The following CSMD1 variants were observed in gnomAD, a reference collection of about 807,000 sequenced individuals.
CSMD1 encodes the protein CUB and Sushi multiple domains 1, also known as CUB and sushi domain-containing protein 1.
CSMD1 carries 213 observed loss-of-function variants against 417.5 expected under a neutral mutation model. That is an observed-to-expected ratio of 0.51 (90% confidence interval 0.46 to 0.57). The LOEUF (loss-of-function observed/expected upper bound fraction) is 0.57, where lower values mean the gene tolerates loss of function less well. Among genes scored for constraint, CSMD1 ranks in the 20% least tolerant of loss-of-function variants. The pLI is 0.00. For synonymous variants in CSMD1, 2,862 were observed against 1,736.8 expected, an observed-to-expected ratio of 1.65 and a Z score of -16.11; for missense variants, 6,923 against 4,529.7, an observed-to-expected ratio of 1.53 and a Z score of -15.17.
rs533853783 is a variant in CSMD1, at chr8:2,935,686, C to A, written c.*2899G>T. On this transcript the variant is annotated 3_prime_UTR_variant, in exon 70 of 70. Transcript: ENST00000635120. ...AAAATATATCTCTGTACAAAAAGGTCTTTCGCACCTACGTCGTGACAGCAG... is the reference window on the plus strand; with the variant it reads ...AAAATATATCTCTGTACAAAAAGGTATTTCGCACCTACGTCGTGACAGCAG... 1 of 152,098 alleles carries A rather than the reference C, an allele frequency of 6.6e-6. No homozygotes were observed. The highest frequency in any genetic ancestry group is 1.5e-5 in the Non-Finnish European group (1 of 68,008). 9.4% of individuals were successfully genotyped at this position (152,098 alleles called of 1,614,324 possible).
intron 3 of CSMD1, among the ~76,000 whole-genome samples, chr8:4,177,280 T>C (rs2131161146): frequency 6.6e-6 from 1 of 152,080 alleles, no homozygotes; most frequent in East Asian, 1.9e-4. Context: ...AGAAACTCAC[T>C]CAAAACCGCT....
chr8:2,942,427 G>C (rs758217214), intron 69 of CSMD1, 45 bp downstream of exon 69: 4 of 1,566,824 alleles, frequency 2.6e-6, no homozygotes, highest in Admixed American at 3.4e-5. Context: ...TAAACCCATA[G>C]TTTACACTCA....
intron 2 of CSMD1, among the ~76,000 whole-genome samples, chr8:4,596,016 T>A (rs1258837643): frequency 1.3e-5 from 2 of 152,136 alleles, no homozygotes; most frequent in Non-Finnish European, 2.9e-5. Flanking sequence ...ATCCACCACT[T>A]GAACACTCCC....
rs1457305744 is a variant in CSMD1, at chr8:3,796,446, TATAG to T, written c.819-42408_819-42405del. ...TGTATAGATATATATATCTATCGTGTATAGATATAGATATCTATCATGTATATAG... is the reference window on the plus strand; with the variant it reads ...TGTATAGATATATATATCTATCGTGTATATAGATATCTATCATGTATATAG... On this transcript the variant is annotated intron_variant, in intron 5 of 69. Transcript: ENST00000635120. Among the ~76,000 whole-genome samples the T allele has an allele frequency of 3.9e-4, 53 of 136,276 alleles. 2 individuals are homozygous for T. The South Asian group carries it at 7.9e-3, about 20-fold the overall frequency. The allele number at this position is 136,276 out of a possible 152,430, so 89.4% of individuals were successfully genotyped here.
chr8:3,693,308 A>AAT (rs1800355684), intron 7 of CSMD1, among the ~76,000 whole-genome samples: 1 of 152,234 alleles, frequency 6.6e-6, no homozygotes, highest in South Asian at 2.1e-4. Context: ...GAGAAAATGA[A>AAT]ATATATATAT....
At chr8:3,034,483 G>C (rs1272440204) in intron 50 of CSMD1, among the ~76,000 whole-genome samples, 2 of 152,104 alleles carry the variant, frequency 1.3e-5, no homozygotes, top group East Asian at 1.9e-4. Flanking sequence ...AAAATCTTCT[G>C]TCTTGAGGTA....
intron 3 of CSMD1, among the ~76,000 whole-genome samples, chr8:4,176,086 A>G (rs746933435): frequency 1.2e-4 from 19 of 152,202 alleles, no homozygotes; most frequent in Middle Eastern, 3.4e-3. Context: ...CCCTTGCAGA[A>G]TCACTCCTGC....
intron 5 of CSMD1, among the ~76,000 whole-genome samples, chr8:3,973,337 G>C (rs1813210228): frequency 6.6e-6 from 1 of 152,246 alleles, no homozygotes; most frequent in African/African-American, 2.4e-5. Flanking sequence ...ACTCTGCTTG[G>C]TGCTAGATAG....
intron 1 of CSMD1, among the ~76,000 whole-genome samples, chr8:4,805,872 T>G (rs1798558814): frequency 6.6e-6 from 1 of 152,102 alleles, no homozygotes; most frequent in Non-Finnish European, 1.5e-5. Context: ...TATGCTAAAT[T>G]ATTGTGAACG....
chr8:3,246,167 C>G (rs1349164603), intron 26 of CSMD1, among the ~76,000 whole-genome samples: 1 of 152,104 alleles, frequency 6.6e-6, no homozygotes, highest in East Asian at 1.9e-4. Context: ...TCCCATCACT[C>G]TAGCTCCACA....
At chr8:4,785,026 C>G (rs1303831520) in intron 1 of CSMD1, among the ~76,000 whole-genome samples, 1 of 152,178 alleles carries the variant, frequency 6.6e-6, no homozygotes, top group Non-Finnish European at 1.5e-5. Context: ...GAAATCAGTT[C>G]TGGGCACTGA....
chr8:4,596,308 A>G (rs1253382822), intron 2 of CSMD1, among the ~76,000 whole-genome samples: 1 of 152,206 alleles, frequency 6.6e-6, no homozygotes, highest in Non-Finnish European at 1.5e-5. Context: ...CCAAGCTTCA[A>G]GATTAGATTT....
intron 29 of CSMD1, among the ~76,000 whole-genome samples, chr8:3,215,021 A>T (rs917288051): frequency 1.3e-5 from 2 of 152,186 alleles, no homozygotes; most frequent in Non-Finnish European, 2.9e-5. Context: ...AGATTTTAGG[A>T]CTGAATCAAA....
At chr8:4,500,586 C>A (rs971817450) in intron 2 of CSMD1, among the ~76,000 whole-genome samples, 1 of 152,056 alleles carries the variant, frequency 6.6e-6, no homozygotes, top group Non-Finnish European at 1.5e-5. Flanking sequence ...AACAGGATAG[C>A]TGTTCTAATG....
intron 1 of CSMD1, among the ~76,000 whole-genome samples, chr8:4,682,016 T>C (rs910400927): frequency 1.3e-5 from 2 of 152,160 alleles, no homozygotes; most frequent in African/African-American, 2.4e-5. Flanking sequence ...TTTTATTGGA[T>C]AAATTTGTTG....
intron 3 of CSMD1, among the ~76,000 whole-genome samples, chr8:4,275,008 G>A (rs893551403): frequency 3.3e-5 from 5 of 152,238 alleles, no homozygotes; most frequent in Middle Eastern, 6.8e-3. Flanking sequence ...GGTATAAATA[G>A]TTAATACATT....
At chr8:4,892,681 T>A (rs896758331) in intron 1 of CSMD1, among the ~76,000 whole-genome samples, 1 of 152,090 alleles carries the variant, frequency 6.6e-6, no homozygotes, top group Non-Finnish European at 1.5e-5. Context: ...TTCTATGCAT[T>A]CATATAGTCT....
intron 5 of CSMD1, among the ~76,000 whole-genome samples, chr8:3,973,582 G>T (rs534741244): frequency 6.6e-6 from 1 of 152,006 alleles, no homozygotes; most frequent in African/African-American, 2.4e-5. Flanking sequence ...TTTTAAAAAA[G>T]AAGGAAAAAA....
chr8:4,598,810 A>T (rs987170851), intron 2 of CSMD1, among the ~76,000 whole-genome samples: 49 of 152,296 alleles, frequency 3.2e-4, no homozygotes, highest in African/African-American at 1.1e-3. Flanking sequence ...TTGAGTATTA[A>T]ATAGAACAAA....
Sources: allele counts gnomAD v4.1 joint callset (sites outside exome capture counted in the v4.1 genomes callset), GRCh38; gene constraint gnomAD v4.1.1; transcripts MANE v1.5; gene names NCBI Gene and HGNC (gene_info 2026-07-23, HGNC 2026-07-21).